GPHN: variants seen among roughly 807,000 people sequenced by gnomAD.
GPHN encodes gephyrin.
A neutral mutation model predicts 95.5 loss-of-function variants in GPHN; 17 were observed. That is an observed-to-expected ratio of 0.18 (90% CI 0.12 to 0.27). GPHN has a LOEUF of 0.27. GPHN is among the 10% of genes least tolerant of loss of function. The probability of loss-of-function intolerance (pLI) is 1.00; values close to 1 mark genes in which losing one functional copy is unlikely to be tolerated. For synonymous variants in GPHN, 320 were observed against 322.5 expected, an observed-to-expected ratio of 0.99 and a Z score of 0.08; for missense variants, 660 against 978.1, an observed-to-expected ratio of 0.67 and a Z score of 4.34.
chr14:66,650,251 C>T (rs1595401711), intron 1 of GPHN, among the ~76,000 whole-genome samples: 1 of 151,892 alleles, frequency 6.6e-6, no homozygotes, highest in Admixed American at 6.6e-5. Flanking sequence ...TGCTTCACCA[C>T]ATGGAGACTA....
At chr14:67,499,175 T>TA in the GPHN span, among the ~76,000 whole-genome samples, 1 of 151,888 alleles carries the variant, frequency 6.6e-6, no homozygotes, top group Non-Finnish European at 1.5e-5. Context: ...GGTAATTTCT[T>TA]AATTTTTTTG....
chr14:66,930,560 G>C (rs554188583), intron 8 of GPHN, among the ~76,000 whole-genome samples: 30 of 134,798 alleles, frequency 2.2e-4, no homozygotes, highest in Non-Finnish European at 3.7e-4. Context: ...GGGTCTCACT[G>C]TGTTGCCCAG....
At chr14:66,719,925 T>TTTG (rs1164956061) in intron 2 of GPHN, among the ~76,000 whole-genome samples, 1 of 152,140 alleles carries the variant, frequency 6.6e-6, no homozygotes, top group African/African-American at 2.4e-5. Flanking sequence ...TGGAAACAAA[T>TTTG]TTGCCATTTT....
At chr14:67,143,319 C>A (rs770872412) in intron 17 of GPHN, 43 bp from the exon 18 acceptor site, 1 of 1,271,008 alleles carries the variant, frequency 7.9e-7, no homozygotes, top group South Asian at 1.2e-5. Context: ...TATCTAAAAT[C>A]TTTTCCTTGT....
intron 19 of GPHN, among the ~76,000 whole-genome samples, chr14:67,162,336 T>A (rs1271152438): frequency 6.6e-6 from 1 of 152,256 alleles, no homozygotes; most frequent in Non-Finnish European, 1.5e-5. Flanking sequence ...GTTTTGAAGT[T>A]TAAATGGGCT....
intron 8 of GPHN, among the ~76,000 whole-genome samples, chr14:66,948,530 A>G (rs1300831862): frequency 1.3e-5 from 2 of 152,196 alleles, no homozygotes; most frequent in Non-Finnish European, 2.9e-5. Flanking sequence ...TTTAAAATTT[A>G]TATCAGCTGT....
At chr14:66,543,340 T>A (rs1050829517) in intron 1 of GPHN, among the ~76,000 whole-genome samples, 7 of 152,242 alleles carry the variant, frequency 4.6e-5, no homozygotes, top group African/African-American at 1.7e-4. Context: ...ATCATTTCTC[T>A]TGACTTAGCA....
chr14:67,508,753 CA>C, the GPHN span, among the ~76,000 whole-genome samples: 161 of 46,726 alleles, frequency 3.4e-3, 6 homozygotes, highest in African/African-American at 7.9e-3. Flanking sequence ...AACCTTGTCT[CA>C]AAAAAAAAAA....
chr14:67,071,692 G>A (rs2076317210), intron 11 of GPHN, among the ~76,000 whole-genome samples: 1 of 151,734 alleles, frequency 6.6e-6, no homozygotes, highest in Non-Finnish European at 1.5e-5. Flanking sequence ...GGCCTAAATT[G>A]CCCTATGTCG....
the GPHN span, among the ~76,000 whole-genome samples, chr14:67,404,261 TA>T: frequency 6.6e-6 from 1 of 152,214 alleles, no homozygotes; most frequent in East Asian, 1.9e-4. Flanking sequence ...CTCCACAGTC[TA>T]AAGCAACAAG....
the GPHN span, among the ~76,000 whole-genome samples, chr14:67,672,077 G>T: frequency 6.6e-6 from 1 of 151,946 alleles, no homozygotes; most frequent in Admixed American, 6.6e-5. Context: ...TATAGAAATG[G>T]GCATTGCAAA....
the GPHN span, among the ~76,000 whole-genome samples, chr14:67,260,913 C>T: frequency 2.0e-5 from 3 of 152,078 alleles, no homozygotes; most frequent in Non-Finnish European, 4.4e-5. Context: ...TATTCTAGGA[C>T]TAAGTCAAGT....
At chr14:66,637,063 C>CA (rs967276548) in intron 1 of GPHN, among the ~76,000 whole-genome samples, 2 of 152,148 alleles carry the variant, frequency 1.3e-5, no homozygotes, top group Non-Finnish European at 2.9e-5. Context: ...TTTGATGCTG[C>CA]AGTCCTTGGT....
chr14:66,547,281 A>G (rs919811498), intron 1 of GPHN, among the ~76,000 whole-genome samples: 1 of 152,132 alleles, frequency 6.6e-6, no homozygotes, highest in African/African-American at 2.4e-5. Flanking sequence ...TCTGATTCAC[A>G]GTTTCTGGTA....
the GPHN span, among the ~76,000 whole-genome samples, chr14:67,224,362 G>A: frequency 6.6e-6 from 1 of 151,274 alleles, no homozygotes; most frequent in East Asian, 2.0e-4. Flanking sequence ...AGGTTCAAGC[G>A]ATTCTCTTGC....
intron 10 of GPHN, among the ~76,000 whole-genome samples, chr14:67,044,915 A>G (rs1280575544): frequency 6.6e-6 from 1 of 151,716 alleles, no homozygotes; most frequent in East Asian, 2.0e-4. Flanking sequence ...AAATAAGCTC[A>G]GGTAGATCTA....
intron 8 of GPHN, among the ~76,000 whole-genome samples, chr14:66,962,501 T>C (rs939463883): frequency 4.0e-5 from 6 of 151,842 alleles, no homozygotes; most frequent in African/African-American, 1.4e-4. Context: ...TTTACCACTC[T>C]CCTAAAGTCA....
In GPHN at chr14:66,632,489, CTTTTTTTTT is replaced by C. The variant is rs60856342; in HGVS notation, c.65-48604_65-48596del. 4.1e-5 allele frequency among the ~76,000 whole-genome samples: 5 copies of C among 122,080 alleles called. 1 individual carries two copies. Among genetic ancestry groups the C allele is most frequent in the African/African-American group, 1.3e-4 (5 of 37,230 alleles). The allele number at this position is 122,080 out of a possible 152,430, so 80.1% of individuals were successfully genotyped here. On this transcript the variant is annotated intron_variant, in intron 1 of 22. Coordinates refer to ENST00000478722, the MANE Select transcript of GPHN (RefSeq NM_020806.5). ...ATACTTTCCTTTCTTACAATACATT[CTTTTTTTTT>C]TTTTTTTTTTTTTGGGATGGAGTTT...
chr14:67,271,752 A>G, the GPHN span: 1 of 152,336 alleles, frequency 6.6e-6, no homozygotes, highest in African/African-American at 2.4e-5. Context: ...ACATATTTCT[A>G]GATTCTTGTG....
Sources: allele counts gnomAD v4.1 joint callset (sites outside exome capture counted in the v4.1 genomes callset), GRCh38; gene constraint gnomAD v4.1.1; transcripts MANE v1.5; gene names NCBI Gene and HGNC (gene_info 2026-07-23, HGNC 2026-07-21).